PCDHA6: variants seen among roughly 807,000 people sequenced by gnomAD.
PCDHA6 encodes the protein protocadherin alpha-6.
A neutral mutation model predicts 60.3 loss-of-function variants in PCDHA6; 55 were observed. The ratio of observed to expected loss-of-function variants is 0.91; its 90% confidence interval spans 0.73 to 1.14. The LOEUF (loss-of-function observed/expected upper bound fraction) is 1.14, where lower values mean the gene tolerates loss of function less well. Ranked by LOEUF, PCDHA6 falls within the 50% of genes most tolerant of loss-of-function variation. PCDHA6 has a pLI of 0.00. For missense variants in PCDHA6, 1,327 were observed against 1,256.5 expected (o/e 1.06, Z -0.85); for synonymous variants, 652 against 557.9 (o/e 1.17, Z -2.38).
At position 140,998,145 on chromosome 5, in the gene PCDHA6, A is replaced by G. The variant is rs115385085; in HGVS notation, c.2543-11482A>G. ...GAATCATAATAGCTAACCTGTACTG[A>G]ACAGTTAAGCCATGTGCCAAGTATT... On this transcript the variant is annotated intron_variant, in intron 3 of 3. Transcript: ENST00000529310. 2.1e-3 allele frequency among the ~76,000 whole-genome samples: 325 copies of G among 152,342 alleles called. 2 individuals carry two copies. Among genetic ancestry groups the G allele is most frequent in the African/African-American group, 7.1e-3 (294 of 41,566 alleles).
At position 140,829,603 on chromosome 5, in the gene PCDHA6, G is replaced by A; in HGVS notation, c.1512G>A (p.Leu504=). 6.2e-7 allele frequency: 1 copy of A among 1,612,072 alleles called. No individual in the cohort carries two copies. The highest frequency in any genetic ancestry group is 8.5e-7 in the Non-Finnish European group (1 of 1,179,774). ...AGCGGCGGGTGGGCGAGCGCGCGTT[G>A]TCGAGCTACATTTCGGTGCACGCGG... ...LVERRVGERA[L]SSYISVHAES... is the part of the protein sequence containing the mutation. Residue 504 remains leucine (L), a synonymous_variant, in exon 1 of 4, where the codon TTG becomes TTA. Coordinates refer to ENST00000529310, the MANE Select transcript of PCDHA6 (RefSeq NM_018909.4).
intron 1 of PCDHA6, chr5:140,869,509 A>C (rs199564677): frequency 6.2e-7 from 1 of 1,614,206 alleles, no homozygotes; most frequent in Non-Finnish European, 8.5e-7. Flanking sequence ...GTTCTCGCTC[A>C]GAGAACAAAA....
intron 1 of PCDHA6, among the ~76,000 whole-genome samples, chr5:140,965,212 T>G (rs1360102713): frequency 6.6e-6 from 1 of 152,180 alleles, no homozygotes; most frequent in African/African-American, 2.4e-5. Context: ...CAAATTCCTG[T>G]GGAAGAAATG....
chr5:140,837,528 A>G (rs1205185632), intron 1 of PCDHA6, among the ~76,000 whole-genome samples: 2 of 151,654 alleles, frequency 1.3e-5, no homozygotes, highest in African/African-American at 2.4e-5. Flanking sequence ...TTTTTTGTAT[A>G]TTCCCAAGAT....
At chr5:140,836,242 T>C in intron 1 of PCDHA6, 1 of 1,613,606 alleles carries the variant, frequency 6.2e-7, no homozygotes, top group South Asian at 1.1e-5. Flanking sequence ...GGTGCGAGCA[T>C]CCCGTTCCGC....
intron 3 of PCDHA6, among the ~76,000 whole-genome samples, chr5:141,005,519 C>T (rs1374058521): frequency 1.3e-5 from 2 of 151,140 alleles, no homozygotes; most frequent in Middle Eastern, 3.2e-3. Context: ...CTGGCTAACA[C>T]GGTGAAACCC....
chr5:140,834,621 C>G lies in PCDHA6; in HGVS notation c.2394+4136C>G, dbSNP rs1479128016. On this transcript the variant is annotated intron_variant, in intron 1 of 3. Coordinates refer to ENST00000529310, the MANE Select transcript of PCDHA6 (RefSeq NM_018909.4). ...TGGGGATCTTCTGGAGGTAAATCTG[C>G]AGAATGGCATTTTGTTTGTGAATTC... The G allele has an allele frequency of 2.5e-6, 4 of 1,614,176 alleles. No homozygotes were observed. In the African/African-American group the frequency reaches 5.3e-5, roughly 22 times the overall value.
At chr5:140,986,899 C>G (rs2097217128) in intron 3 of PCDHA6, among the ~76,000 whole-genome samples, 1 of 152,072 alleles carries the variant, frequency 6.6e-6, no homozygotes, top group African/African-American at 2.4e-5. Flanking sequence ...AGGCCCTATC[C>G]TAGACTAATG....
At chr5:140,991,991 T>C (rs1420188681) in intron 3 of PCDHA6, among the ~76,000 whole-genome samples, 1 of 151,444 alleles carries the variant, frequency 6.6e-6, no homozygotes, top group Admixed American at 6.6e-5. Context: ...TACCACCCGG[T>C]CTTTCATGTT....
At chr5:140,926,946 A>G in intron 1 of PCDHA6, 1 of 1,590,228 alleles carries the variant, frequency 6.3e-7, no homozygotes. Context: ...GCGGCGCTGC[A>G]GCGGGACAGC....
At position 140,950,241 on chromosome 5, in the gene PCDHA6, G is replaced by A. The variant is rs191139851; in HGVS notation, c.2395-28708G>A. 3.8e-4 allele frequency among the ~76,000 whole-genome samples: 58 copies of A among 152,014 alleles called. 1 individual carries two copies. The highest frequency in any genetic ancestry group is 6.8e-3 in the Middle Eastern group (2 of 294). On this transcript the variant is annotated intron_variant, in intron 1 of 3. Coordinates refer to ENST00000529310, the MANE Select transcript of PCDHA6 (RefSeq NM_018909.4). The stretch of plus-strand genomic sequence containing the variant: ...TTACCATTTCTAGTGCCATTAATTT[G>A]TTCCTAAAGAGCTGAGTTTATCCAT...
At chr5:140,883,511 C>A in intron 1 of PCDHA6, 2 of 1,614,186 alleles carry the variant, frequency 1.2e-6, no homozygotes, top group Middle Eastern at 1.7e-4. Context: ...CGCCCTGGAC[C>A]GCGAGAGCGT....
chr5:141,006,274 C>T (rs565885323), intron 3 of PCDHA6, among the ~76,000 whole-genome samples: 13 of 152,026 alleles, frequency 8.6e-5, no homozygotes, highest in African/African-American at 2.9e-4. Context: ...TGCAGTGGCA[C>T]GATCTCAGCT....
chr5:140,891,974 C>T (rs2063333007), intron 1 of PCDHA6, among the ~76,000 whole-genome samples: 1 of 152,170 alleles, frequency 6.6e-6, no homozygotes, highest in South Asian at 2.1e-4. Context: ...AATTTCCGTT[C>T]TCATAAATTA....
Position 140,856,497 on chromosome 5 carries a change from G to A in PCDHA6, c.2394+26012G>A, listed in dbSNP as rs782069130. 1.1e-5 allele frequency: 17 copies of A among 1,598,346 alleles called. 1 individual carries two copies. Among genetic ancestry groups the A allele is most frequent in the Admixed American group, 5.1e-5 (3 of 59,216 alleles). ...CCTGAATCCAGACTGCTTGACTCTC[G>A]ATTTCCACTAGAAGGCGCATCTGAT... On this transcript the variant is annotated intron_variant, in intron 1 of 3. Transcript: ENST00000529310.
At chr5:140,838,089 T>C (rs1418087315) in intron 1 of PCDHA6, among the ~76,000 whole-genome samples, 2 of 121,978 alleles carry the variant, frequency 1.6e-5, no homozygotes, top group East Asian at 4.2e-4. Flanking sequence ...TGTGTGTGTG[T>C]GTGTGTGTGT....
intron 1 of PCDHA6, among the ~76,000 whole-genome samples, chr5:140,879,282 A>T (rs1554170732): frequency 1.3e-5 from 2 of 152,238 alleles, no homozygotes; most frequent in Non-Finnish European, 2.9e-5. Context: ...ACTCAATACA[A>T]ATGATAAGAG....
At chr5:140,852,612 C>A (rs1177069451) in intron 1 of PCDHA6, 1 of 914,612 alleles carries the variant, frequency 1.1e-6, no homozygotes, top group Non-Finnish European at 1.3e-6. Flanking sequence ...TCTTTCAAAA[C>A]TTGAGTGGTC....
intron 3 of PCDHA6, among the ~76,000 whole-genome samples, chr5:141,008,176 C>T (rs2098363819): frequency 6.6e-6 from 1 of 152,032 alleles, no homozygotes; most frequent in East Asian, 1.9e-4. Context: ...AAAATGTGAC[C>T]ATTGATTGTG....
Sources: allele counts gnomAD v4.1 joint callset (sites outside exome capture counted in the v4.1 genomes callset), GRCh38; gene constraint gnomAD v4.1.1; transcripts MANE v1.5; gene names NCBI Gene and HGNC (gene_info 2026-07-23, HGNC 2026-07-21).